Variants in OLFM3 observed in about 807,000 individuals in gnomAD.
OLFM3 encodes the protein noelin-3.
A neutral mutation model predicts 48.6 loss-of-function variants in OLFM3; 20 were observed. That is an observed-to-expected ratio of 0.41 (90% CI 0.29 to 0.60). The LOEUF is 0.60. Ranked by LOEUF, OLFM3 falls within the 20% of genes least tolerant of loss-of-function variation. The pLI, the probability that OLFM3 is intolerant of heterozygous loss-of-function variation, is 0.28. For missense variants in OLFM3, 437 were observed against 544.3 expected (o/e 0.80, Z 1.96); for synonymous variants, 222 against 198.1 (o/e 1.12, Z -1.01).
chr1:101,954,065 G>C (rs1189984853), intron 1 of OLFM3, among the ~76,000 whole-genome samples: 2 of 152,016 alleles, frequency 1.3e-5, no homozygotes, highest in Non-Finnish European at 2.9e-5. Flanking sequence ...GAGTTTACTT[G>C]TAGTATAGAT....
At chr1:101,952,491 A>AT (rs1458340241) in intron 1 of OLFM3, among the ~76,000 whole-genome samples, 7 of 152,048 alleles carry the variant, frequency 4.6e-5, no homozygotes, top group Non-Finnish European at 8.8e-5. Flanking sequence ...TAGTAAATAG[A>AT]TTTTTTGCAT....
At chr1:101,986,251 A>G (rs531883201) in intron 1 of OLFM3, among the ~76,000 whole-genome samples, 141 of 152,272 alleles carry the variant, frequency 9.3e-4, no homozygotes, top group African/African-American at 3.3e-3. Flanking sequence ...GGAGTGAGCC[A>G]CTGAGCCCGG....
intron 1 of OLFM3, among the ~76,000 whole-genome samples, chr1:101,854,546 A>G (rs1000941988): frequency 1.3e-5 from 2 of 152,010 alleles, no homozygotes; most frequent in Non-Finnish European, 2.9e-5. Context: ...CTTTCTACTC[A>G]AAATTGAAGA....
intron 1 of OLFM3, among the ~76,000 whole-genome samples, chr1:101,867,718 C>G (rs1189396243): frequency 6.6e-6 from 1 of 152,162 alleles, no homozygotes; most frequent in East Asian, 1.9e-4. Context: ...ATAAATATTT[C>G]ATTTACCTAT....
At chr1:101,915,062 A>G (rs1658877008) in intron 1 of OLFM3, among the ~76,000 whole-genome samples, 1 of 152,170 alleles carries the variant, frequency 6.6e-6, no homozygotes, top group Non-Finnish European at 1.5e-5. Context: ...CAAAAATTAT[A>G]TCGGTACCAA....
At chr1:101,845,115 C>T (rs573928380) in intron 1 of OLFM3, among the ~76,000 whole-genome samples, 5 of 151,938 alleles carry the variant, frequency 3.3e-5, no homozygotes, top group East Asian at 1.9e-4. Flanking sequence ...CATAGTGAAA[C>T]CTTTTCTACA....
intron 3 of OLFM3, among the ~76,000 whole-genome samples, chr1:101,827,341 A>C (rs1228630324): frequency 6.6e-6 from 1 of 151,144 alleles, no homozygotes; most frequent in African/African-American, 2.4e-5. Context: ...TTTGAGACGG[A>C]GTCTCACTCT....
At chr1:101,831,045 C>T (rs1332585141) in intron 2 of OLFM3, among the ~76,000 whole-genome samples, 1 of 152,158 alleles carries the variant, frequency 6.6e-6, no homozygotes, top group Admixed American at 6.5e-5. Flanking sequence ...TAAAAACGGG[C>T]ATTCTAGCAT....
chr1:101,895,028 T>C (rs184368605), intron 1 of OLFM3, among the ~76,000 whole-genome samples: 18 of 152,130 alleles, frequency 1.2e-4, no homozygotes, highest in African/African-American at 3.9e-4. Context: ...TACTCATAAA[T>C]GTAAACACCC....
chr1:101,862,681 C>A (rs139626827), intron 1 of OLFM3, among the ~76,000 whole-genome samples: 1 of 152,298 alleles, frequency 6.6e-6, no homozygotes, highest in African/African-American at 2.4e-5. Flanking sequence ...CCTGATCCCA[C>A]CTCACCAGAA....
At chr1:101,885,411 G>T (rs1021757574) in intron 1 of OLFM3, among the ~76,000 whole-genome samples, 1 of 151,820 alleles carries the variant, frequency 6.6e-6, no homozygotes, top group Non-Finnish European at 1.5e-5. Context: ...AAAAAGGATT[G>T]GTACCATATG....
chr1:101,940,304 A>G (rs1242221506), intron 1 of OLFM3, among the ~76,000 whole-genome samples: 5 of 149,520 alleles, frequency 3.3e-5, no homozygotes, highest in Non-Finnish European at 7.4e-5. Context: ...GAGCTGTGCT[A>G]TTCTCAGGAT....
chr1:101,918,563 C>CTTTTT (rs55766537), intron 1 of OLFM3, among the ~76,000 whole-genome samples: 33,657 of 142,460 alleles, frequency 0.24, 4,545 homozygotes, highest in East Asian at 0.54. Flanking sequence ...CTCCTTCCTC[C>CTTTTT]TTTTTTTTTT....
chr1:101,880,803 T>C (rs60726147), intron 1 of OLFM3, among the ~76,000 whole-genome samples: 3,668 of 151,914 alleles, frequency 0.024, 160 homozygotes, highest in African/African-American at 0.084. Context: ...TGACTATATA[T>C]GTTGCATCCT....
intron 1 of OLFM3, among the ~76,000 whole-genome samples, chr1:101,882,017 C>T (rs1657547583): frequency 6.6e-6 from 1 of 150,558 alleles, no homozygotes; most frequent in Non-Finnish European, 1.5e-5. Flanking sequence ...TGCTTATAAT[C>T]AAAACTTTTA....
At position 101,815,622 on chromosome 1, in the gene OLFM3, T is replaced by C. The variant is rs557020569; in HGVS notation, c.592+9404A>G. ...GGGAATTTAAAAACTCAAAAAAAAA[T>C]AATCAAAGATAACATCTAGATTTTT... On this transcript the variant is annotated intron_variant, in intron 4 of 5. Coordinates refer to ENST00000370103, the MANE Select transcript of OLFM3 (RefSeq NM_058170.4). Among the ~76,000 whole-genome samples, 8 of 148,840 alleles carry C rather than the reference T, an allele frequency of 5.4e-5. No individual in the cohort carries two copies. In the East Asian group the frequency reaches 1.6e-3, roughly 29 times the overall value.
intron 4 of OLFM3, among the ~76,000 whole-genome samples, chr1:101,822,272 T>C (rs940691784): frequency 6.6e-6 from 1 of 152,138 alleles, no homozygotes; most frequent in African/African-American, 2.4e-5. Context: ...AGCTCATTTA[T>C]AAAATTGAGC....
chr1:101,948,702 A>C (rs980240123), intron 1 of OLFM3, among the ~76,000 whole-genome samples: 7 of 151,984 alleles, frequency 4.6e-5, no homozygotes, highest in Admixed American at 1.3e-4. Flanking sequence ...ATTGGGTACT[A>C]AAAGAACTGG....
intron 1 of OLFM3, among the ~76,000 whole-genome samples, chr1:101,922,877 T>A (rs1366954085): frequency 6.6e-6 from 1 of 152,186 alleles, no homozygotes; most frequent in Non-Finnish European, 1.5e-5. Flanking sequence ...TGCTAACATA[T>A]TTAGAGTTTA....
Sources: gnomAD v4.1 joint callset for allele counts (sites outside exome capture counted in the v4.1 genomes callset) on GRCh38, gnomAD v4.1.1 for gene constraint, MANE v1.5 for transcripts, NCBI Gene and HGNC (gene_info 2026-07-23, HGNC 2026-07-21) for gene names.